Variants in CLMN observed in about 807,000 individuals in gnomAD.
CLMN encodes calmin, also known as calmin (calponin-like, transmembrane).
A neutral mutation model predicts 92.7 loss-of-function variants in CLMN; 57 were observed. The observed-to-expected ratio is 0.61, with a 90% CI of 0.50 to 0.77. The LOEUF (loss-of-function observed/expected upper bound fraction) is 0.77. Ranked by LOEUF, CLMN falls within the 30% of genes least tolerant of loss-of-function variation. CLMN has a pLI of 0.00. For synonymous variants in CLMN, 466 were observed against 470.6 expected, an observed-to-expected ratio of 0.99 and a Z score of 0.13; for missense variants, 1,158 against 1,237.5, an observed-to-expected ratio of 0.94 and a Z score of 0.96.
intron 1 of CLMN, among the ~76,000 whole-genome samples, chr14:95,316,404 T>C (rs1901772880): frequency 1.3e-5 from 2 of 152,284 alleles, no homozygotes; most frequent in Non-Finnish European, 2.9e-5. Context: ...AACGTCTTTT[T>C]GAGCTATGCA....
At chr14:95,238,170 T>C (rs959747409) in intron 1 of CLMN, among the ~76,000 whole-genome samples, 4 of 152,180 alleles carry the variant, frequency 2.6e-5, no homozygotes, top group African/African-American at 9.7e-5. Flanking sequence ...TGCCACTCCT[T>C]ACTCCTGGCG....
At chr14:95,277,140 G>A (rs180846930) in intron 1 of CLMN, among the ~76,000 whole-genome samples, 150 of 94,994 alleles carry the variant, frequency 1.6e-3, no homozygotes, top group African/African-American at 7.6e-3. Context: ...TTGTCTCTTC[G>A]CAAAGTTTTG....
intron 1 of CLMN, among the ~76,000 whole-genome samples, chr14:95,274,522 T>A (rs111341073): frequency 6.6e-6 from 1 of 152,144 alleles, no homozygotes; most frequent in African/African-American, 2.4e-5. Flanking sequence ...TCACTCCCCA[T>A]CAGGTTCCTG....
chr14:95,193,131 C>A, intron 12 of CLMN: 1 of 546,224 alleles, frequency 1.8e-6, no homozygotes, highest in Non-Finnish European at 3.2e-6. Context: ...AAATCTGTGG[C>A]GAGTAAATAA....
At chr14:95,255,518 T>C (rs890897406) in intron 1 of CLMN, among the ~76,000 whole-genome samples, 8 of 152,286 alleles carry the variant, frequency 5.3e-5, no homozygotes, top group African/African-American at 1.7e-4. Context: ...ATAGTACATA[T>C]AGGGTTCGGC....
At chr14:95,306,167 G>A (rs1182725962) in intron 1 of CLMN, among the ~76,000 whole-genome samples, 4 of 152,128 alleles carry the variant, frequency 2.6e-5, no homozygotes, top group Admixed American at 6.5e-5. Flanking sequence ...CAGGTGTGGA[G>A]GACAGCACAA....
intron 8 of CLMN, among the ~76,000 whole-genome samples, chr14:95,208,936 T>A (rs1187605): frequency 0.11 from 16,948 of 152,198 alleles, 1,491 homozygotes; most frequent in East Asian, 0.44. Flanking sequence ...GTCTGGATGA[T>A]CAGAGATCAG....
At position 95,190,909 on chromosome 14, in the gene CLMN, AAAC is replaced by A. The variant is rs1172887710; in HGVS notation, c.*652_*654del. On this transcript the variant is annotated 3_prime_UTR_variant, in exon 13 of 13. Coordinates refer to ENST00000298912, the MANE Select transcript of CLMN (RefSeq NM_024734.4). ...CCCTCAAACAAAAAACAAAACAAAA[AAAC>A]AACAAAAAAAACAGGGTGAAAAAGA... 6.6e-6 allele frequency: 1 copy of A among 152,258 alleles called. No individual in the cohort carries two copies. The highest frequency in any genetic ancestry group is 1.5e-5 in the Non-Finnish European group (1 of 68,118). 9.4% of individuals were successfully genotyped at this position (152,258 alleles called of 1,614,324 possible). A position where few individuals can be genotyped will look rare whatever the true frequency, so the allele number is the denominator to read the frequency against.
At chr14:95,311,350 A>AC (rs1052557590) in intron 1 of CLMN, among the ~76,000 whole-genome samples, 1 of 151,832 alleles carries the variant, frequency 6.6e-6, no homozygotes, top group Non-Finnish European at 1.5e-5. Flanking sequence ...TGCATGGAGA[A>AC]CCCCCCAGGA....
intron 1 of CLMN, among the ~76,000 whole-genome samples, chr14:95,312,829 G>A (rs1901601146): frequency 1.3e-5 from 2 of 152,108 alleles, no homozygotes; most frequent in African/African-American, 4.8e-5. Context: ...TTTCATCCTG[G>A]GCTGCTGTTC....
intron 1 of CLMN, among the ~76,000 whole-genome samples, chr14:95,230,894 A>G (rs1488431876): frequency 6.6e-6 from 1 of 152,232 alleles, no homozygotes; most frequent in Non-Finnish European, 1.5e-5. Flanking sequence ...ATGTGAACCG[A>G]AGGACATAAA....
intron 1 of CLMN, among the ~76,000 whole-genome samples, chr14:95,271,327 A>C (rs1212902845): frequency 6.6e-6 from 1 of 152,204 alleles, no homozygotes; most frequent in African/African-American, 2.4e-5. Flanking sequence ...TGATTCAACT[A>C]TTCCTGATAA....
At chr14:95,285,218 A>C (rs1251811732) in intron 1 of CLMN, among the ~76,000 whole-genome samples, 3 of 152,188 alleles carry the variant, frequency 2.0e-5, no homozygotes, top group Non-Finnish European at 1.5e-5. Context: ...TGGAACTGTA[A>C]GTCCAATTAA....
rs1900718475 is a variant in CLMN at position 95,294,234 on chromosome 14, C to T, written c.82+25477G>A. 6.6e-6 allele frequency among the ~76,000 whole-genome samples: 1 copy of T among 152,188 alleles called. No individual in the cohort carries two copies. Among genetic ancestry groups the T allele is most frequent in the South Asian group, 2.1e-4 (1 of 4,824 alleles). ...TATGTGCCAGGGACTGGACAGACTA[C>T]AAAGATGAGGAAAAGGCATGGCCCC... is the stretch of plus-strand genomic sequence containing the variant. On this transcript the variant is annotated intron_variant, in intron 1 of 12. Coordinates refer to ENST00000298912, the MANE Select transcript of CLMN (RefSeq NM_024734.4). The surrounding 1 kb of genome is among the most constrained non-coding windows in gnomAD (Gnocchi z 4.2).
intron 2 of CLMN, among the ~76,000 whole-genome samples, chr14:95,229,345 C>T (rs940908314): frequency 6.6e-6 from 1 of 152,122 alleles, no homozygotes; most frequent in South Asian, 2.1e-4. Flanking sequence ...GATTCAGCTG[C>T]TTTTGTTTTA....
intron 1 of CLMN, among the ~76,000 whole-genome samples, chr14:95,298,147 C>A (rs577121405): frequency 9.2e-5 from 14 of 152,252 alleles, no homozygotes; most frequent in South Asian, 2.1e-4. Context: ...AACCCCACCC[C>A]ACCCGGCTGC....
At chr14:95,300,729 G>A (rs1901014875) in intron 1 of CLMN, among the ~76,000 whole-genome samples, 1 of 152,078 alleles carries the variant, frequency 6.6e-6, no homozygotes, top group Admixed American at 6.5e-5. Context: ...CATAATGCAG[G>A]GTCCCCTTGT....
intron 1 of CLMN, among the ~76,000 whole-genome samples, chr14:95,303,419 C>A (rs1901141363): frequency 6.6e-6 from 1 of 152,228 alleles, no homozygotes; most frequent in Admixed American, 6.5e-5. Context: ...CCACGCCAAG[C>A]TCAGAAGAGC....
chr14:95,206,728 C>T (rs1417653016), intron 8 of CLMN, among the ~76,000 whole-genome samples: 1 of 152,222 alleles, frequency 6.6e-6, no homozygotes, highest in East Asian at 1.9e-4. Context: ...TTATTTCTGG[C>T]TCAATCTTTT....
Sources: gnomAD v4.1 joint callset for allele counts (sites outside exome capture counted in the v4.1 genomes callset) on GRCh38, gnomAD v4.1.1 for gene constraint, Gnocchi (gnomAD v3.1) non-coding constraint, MANE v1.5 for transcripts, NCBI Gene and HGNC (gene_info 2026-07-23, HGNC 2026-07-21) for gene names.